Variants in PSD2 observed in about 807,000 individuals in gnomAD.
PSD2 encodes the protein pleckstrin and Sec7 domain containing 2.
In PSD2, 38 loss-of-function variants were observed where a neutral mutation model predicts 69.8. The ratio of observed to expected loss-of-function variants is 0.54; its 90% CI spans 0.42 to 0.71. PSD2 has a LOEUF of 0.71. Among genes scored for constraint, PSD2 ranks in the 30% least tolerant of loss-of-function variants. The pLI is 0.00. For missense variants in PSD2, 943 were observed against 1,014.5 expected, an observed-to-expected ratio of 0.93 and a Z score of 0.96; for synonymous variants, 412 against 423.0, an observed-to-expected ratio of 0.97 and a Z score of 0.32.
chr5:139,746,904 G>C, the PSD2 span, among the ~76,000 whole-genome samples: 1 of 152,180 alleles, frequency 6.6e-6, no homozygotes, highest in African/African-American at 2.4e-5. The surrounding 1 kb of genome is among the most constrained non-coding windows in gnomAD (Gnocchi z 4.5). Flanking sequence ...GGGTAGCCCA[G>C]GGTCGCACCC....
Position 139,836,903 on chromosome 5 carries a change from G to A in PSD2, c.1496G>A (p.Gly499Asp). Reference sequence around the variant, plus strand: ...AAGGTGACGCGAATCCTGGATGGTGGCAACCCCTTCCTGGATGTCCCACAG... The same window carrying A: ...AAGGTGACGCGAATCCTGGATGGTGACAACCCCTTCCTGGATGTCCCACAG... ...TKKVTRILDG[G>D]NPFLDVPQAL... Residue 499 changes from glycine to aspartate, a missense_variant, in exon 10 of 15, where the codon GGC becomes GAC. Coordinates refer to ENST00000274710, the MANE Select transcript of PSD2 (RefSeq NM_032289.4). 6.2e-7 allele frequency: 1 copy of A among 1,614,160 alleles called. No individual in the cohort carries two copies.
At chr5:139,827,066 A>T (rs1760442400) in intron 7 of PSD2, among the ~76,000 whole-genome samples, 1 of 152,238 alleles carries the variant, frequency 6.6e-6, no homozygotes, top group Non-Finnish European at 1.5e-5. Context: ...AGTTGGAAAA[A>T]GCCTAGGTTA....
At chr5:139,760,015 G>A in the PSD2 span, among the ~76,000 whole-genome samples, 1 of 152,236 alleles carries the variant, frequency 6.6e-6, no homozygotes, top group South Asian at 2.1e-4. Flanking sequence ...TGAGGACAAA[G>A]GCCTTCGCTG....
In PSD2 at chr5:139,837,570, G is replaced by A; in HGVS notation, c.1666-55G>A. 5 of 1,526,622 alleles carry A rather than the reference G, an allele frequency of 3.3e-6. No homozygotes were observed. The South Asian group carries it at 4.9e-5, about 15-fold the overall frequency. 94.6% of individuals were successfully genotyped at this position (1,526,622 alleles called of 1,614,324 possible). Reference sequence around the variant, plus strand: ...TTAGACAGAGAGCAGTGAGGGGAGGGGAGAGTGGAAGGTGTGGGTCAGTGA... The same window carrying A: ...TTAGACAGAGAGCAGTGAGGGGAGGAGAGAGTGGAAGGTGTGGGTCAGTGA... On this transcript the variant is annotated intron_variant, in intron 11 of 14. Transcript: ENST00000274710. This position sits in a 1 kb window ranked among gnomAD's most constrained non-coding sequence, Gnocchi z 5.0.
chr5:139,841,210 T>A (rs1227746197), intron 14 of PSD2, among the ~76,000 whole-genome samples: 1 of 152,196 alleles, frequency 6.6e-6, no homozygotes, highest in Admixed American at 6.5e-5. Context: ...GTGTCAGAAT[T>A]TCCTTTCTTT....
At chr5:139,788,531 A>C in the PSD2 span, among the ~76,000 whole-genome samples, 1 of 152,060 alleles carries the variant, frequency 6.6e-6, no homozygotes, top group African/African-American at 2.4e-5. Context: ...GGGGGGCACA[A>C]GGGGCTTCTC....
intron 4 of PSD2, among the ~76,000 whole-genome samples, chr5:139,816,008 A>AAG (rs1419864946): frequency 6.6e-6 from 1 of 151,364 alleles, no homozygotes; most frequent in African/African-American, 2.4e-5. Flanking sequence ...AAAAAAAAAA[A>AAG]AAAAAAAAGA....
intron 8 of PSD2, among the ~76,000 whole-genome samples, chr5:139,835,046 C>G (rs1020433725): frequency 6.6e-6 from 1 of 151,858 alleles, no homozygotes; most frequent in Admixed American, 6.6e-5. Context: ...CAAACACTCC[C>G]CATCTACTCA....
At chr5:139,822,936 G>T in intron 7 of PSD2, 152 bp downstream of exon 7, 2 of 584,078 alleles carry the variant, frequency 3.4e-6, no homozygotes. Context: ...ATTTGGCCCC[G>T]CCCTAGTTTC....
the PSD2 span, among the ~76,000 whole-genome samples, chr5:139,773,449 CAG>C: frequency 6.6e-6 from 1 of 152,064 alleles, no homozygotes; most frequent in Non-Finnish European, 1.5e-5. Context: ...TTTCTAGAGA[CAG>C]AGTCTTGCTA....
At chr5:139,784,290 G>A in the PSD2 span, among the ~76,000 whole-genome samples, 1 of 152,042 alleles carries the variant, frequency 6.6e-6, no homozygotes, top group South Asian at 2.1e-4. Context: ...TTGGTCCTGT[G>A]ACACGGCCCT....
chr5:139,759,354 A>G, the PSD2 span, among the ~76,000 whole-genome samples: 1 of 151,458 alleles, frequency 6.6e-6, no homozygotes, highest in South Asian at 2.1e-4. Context: ...CGTTTCCCCC[A>G]CATTCTCCCT....
At chr5:139,838,258 C>T (rs1760785870) in intron 12 of PSD2, among the ~76,000 whole-genome samples, 1 of 152,162 alleles carries the variant, frequency 6.6e-6, no homozygotes, top group African/African-American at 2.4e-5. Flanking sequence ...ATCACAGTGC[C>T]AGTGCTGGGC....
chr5:139,786,457 G>C, the PSD2 span, among the ~76,000 whole-genome samples: 1 of 152,176 alleles, frequency 6.6e-6, no homozygotes, highest in African/African-American at 2.4e-5. Flanking sequence ...AGAAAAGGTG[G>C]CTTTCTGGTA....
chr5:139,820,873 G>A (rs1317931952), intron 5 of PSD2, among the ~76,000 whole-genome samples: 1 of 152,056 alleles, frequency 6.6e-6, no homozygotes, highest in Non-Finnish European at 1.5e-5. Context: ...TCTGGGCAGT[G>A]AACATGGCCA....
rs770909449 is a variant in PSD2 at position 139,813,474 on chromosome 5, C to G, written c.537C>G (p.Pro179=). Residue 179 remains proline (P), a synonymous_variant, in exon 3 of 15, where the codon CCC becomes CCG. Coordinates refer to ENST00000274710, the MANE Select transcript of PSD2 (RefSeq NM_032289.4). ...ESDSCVSFEA[P]LTPLIQQRAR... is the part of the protein sequence containing the mutation. Reference sequence around the variant, plus strand: ...ACAGCTGCGTCAGCTTCGAGGCCCCCCTCACACCCCTCATCCAGCAGCGGG... The same window carrying G: ...ACAGCTGCGTCAGCTTCGAGGCCCCGCTCACACCCCTCATCCAGCAGCGGG... The G allele has an allele frequency of 1.2e-6, 2 of 1,613,788 alleles. No individual in the cohort carries two copies. Among genetic ancestry groups the G allele is most frequent in the African/African-American group, 2.7e-5 (2 of 74,948 alleles).
the PSD2 span, among the ~76,000 whole-genome samples, chr5:139,768,035 C>T: frequency 1.2e-4 from 19 of 152,258 alleles, no homozygotes; most frequent in Non-Finnish European, 2.5e-4. Context: ...TCCCCTGTCC[C>T]CTGGGCCTGG....
chr5:139,788,526 G>C, the PSD2 span, among the ~76,000 whole-genome samples: 1 of 152,138 alleles, frequency 6.6e-6, no homozygotes, highest in African/African-American at 2.4e-5. Flanking sequence ...ACTGGGGGGG[G>C]CACAAGGGGC....
At chr5:139,796,154 C>G (rs1314027376) in intron 1 of PSD2, among the ~76,000 whole-genome samples, 179 bp downstream of exon 1, 3 of 152,114 alleles carry the variant, frequency 2.0e-5, no homozygotes, top group Non-Finnish European at 2.9e-5. Context: ...CTGGAGCATC[C>G]GAAGGATACG....
Sources: allele counts gnomAD v4.1 joint callset (sites outside exome capture counted in the v4.1 genomes callset), GRCh38; gene constraint gnomAD v4.1.1; non-coding constraint Gnocchi (gnomAD v3.1); transcripts MANE v1.5; gene names NCBI Gene and HGNC (gene_info 2026-07-23, HGNC 2026-07-21).